Variants in DGCR8 observed in about 807,000 individuals in gnomAD.
DGCR8 encodes the protein microprocessor complex subunit DGCR8.
In DGCR8, 14 loss-of-function variants were observed where a neutral mutation model predicts 78.5. The ratio of observed to expected loss-of-function variants is 0.18; its 90% CI spans 0.12 to 0.28. The LOEUF is 0.28. Among genes scored for constraint, DGCR8 ranks in the 10% least tolerant of loss-of-function variants. The pLI is 1.00. For synonymous variants in DGCR8, 399 were observed against 402.4 expected (o/e 0.99, Z 0.10); for missense variants, 702 against 1,022.5 (o/e 0.69, Z 4.28).
intron 9 of DGCR8, chr22:20,100,690 C>T: frequency 1.0e-6 from 1 of 985,372 alleles, no homozygotes; most frequent in Non-Finnish European, 1.2e-6. Flanking sequence ...TTGCAGAAAC[C>T]ACATTGCAAA....
chr22:20,104,064 C>T (rs1011515488), intron 9 of DGCR8, among the ~76,000 whole-genome samples: 2 of 152,280 alleles, frequency 1.3e-5, no homozygotes, highest in Admixed American at 1.3e-4. Flanking sequence ...TGTCTGCTCT[C>T]ATGAGCTGGA....
chr22:20,080,452 C>T, intron 1 of DGCR8, 69 bp downstream of exon 1: 2 of 981,682 alleles, frequency 2.0e-6, no homozygotes, highest in South Asian at 9.4e-5. Context: ...GAGGGCGCGC[C>T]CTTCCCTCCC....
rs1340871074 is a variant in DGCR8, at chr22:20,086,932, G to A, written c.721-230G>A. 14 of 726,176 alleles carry A rather than the reference G, an allele frequency of 1.9e-5. No homozygotes were observed. Among genetic ancestry groups the A allele is most frequent in the Non-Finnish European group, 3.1e-5 (14 of 456,956 alleles). 45.0% of individuals were successfully genotyped at this position (726,176 alleles called of 1,614,324 possible). ...CCTGATCTAGCGCGTGGGGCAGCAG[G>A]TGCTGCTGAGTTACGCTCCTTGGCA... On this transcript the variant is annotated intron_variant, in intron 2 of 13. Transcript: ENST00000351989. The surrounding 1 kb of genome is among the most constrained non-coding windows in gnomAD (Gnocchi z 6.4).
intron 1 of DGCR8, among the ~76,000 whole-genome samples, chr22:20,081,597 C>T (rs1046896573): frequency 1.5e-4 from 23 of 152,198 alleles, no homozygotes; most frequent in Admixed American, 2.6e-4. Context: ...CTTGCCCAGT[C>T]TTAGACTCTC....
chr22:20,100,788 G>T (rs1018540981), intron 9 of DGCR8: 142 of 985,262 alleles, frequency 1.4e-4, no homozygotes, highest in Admixed American at 4.9e-4. Flanking sequence ...TCCCCTGCCT[G>T]GGGCTTTTTC....
chr22:20,094,677 G>A (rs767608607), intron 8 of DGCR8, 36 bp from the exon 9 acceptor site: 24 of 1,592,132 alleles, frequency 1.5e-5, no homozygotes, highest in Non-Finnish European at 1.2e-5. Flanking sequence ...AGAGGGCAGT[G>A]CCCAAGCCTC....
chr22:20,102,755 T>C (rs551400241), intron 9 of DGCR8, among the ~76,000 whole-genome samples: 1 of 152,332 alleles, frequency 6.6e-6, no homozygotes, highest in Non-Finnish European at 1.5e-5. Context: ...TCCAACTTCG[T>C]TATTCTTTCT....
At chr22:20,106,136 G>A (rs1250167308) in intron 9 of DGCR8, 41 bp from the exon 10 acceptor site, 1 of 1,565,034 alleles carries the variant, frequency 6.4e-7, no homozygotes, top group African/African-American at 1.4e-5. Flanking sequence ...AGAGGCCGGT[G>A]GGCCTGGTGG....
At chr22:20,106,367 A>G (rs992402829) in intron 10 of DGCR8, 90 bp downstream of exon 10, 8 of 1,188,772 alleles carry the variant, frequency 6.7e-6, no homozygotes, top group Non-Finnish European at 9.8e-6. Context: ...GTCCCAAGGC[A>G]GAGGCATGGC....
Position 20,085,735 on chromosome 22 carries a change from C to T in DGCR8, c.-229C>T, listed in dbSNP as rs765459819. ...CGGCATGAAGACAGACTCGCTTAGT[C>T]GCCAGTCACTTAAGCTGAGTGCATT... On this transcript the variant is annotated 5_prime_UTR_variant, in exon 2 of 14. Transcript: ENST00000351989. This position sits in a 1 kb window ranked among gnomAD's most constrained non-coding sequence, Gnocchi z 6.2. The T allele has an allele frequency of 2.9e-6, 4 of 1,359,358 alleles. No individual in the cohort carries two copies. The highest frequency in any genetic ancestry group is 3.8e-6 in the Non-Finnish European group (4 of 1,061,234). The allele number at this position is 1,359,358 out of a possible 1,614,324, so 84.2% of individuals were successfully genotyped here.
chr22:20,089,160 G>A lies in DGCR8; in HGVS notation c.881-509G>A, dbSNP rs1359135105. Among the ~76,000 whole-genome samples the A allele has an allele frequency of 6.6e-6, 1 of 152,230 alleles. No homozygotes were observed. The highest frequency in any genetic ancestry group is 1.5e-5 in the Non-Finnish European group (1 of 68,038). On this transcript the variant is annotated intron_variant, in intron 3 of 13. Coordinates refer to ENST00000351989, the MANE Select transcript of DGCR8 (RefSeq NM_022720.7). This position sits in a 1 kb window ranked among gnomAD's most constrained non-coding sequence, Gnocchi z 4.9. The stretch of plus-strand genomic sequence containing the variant: ...CAACTGCCTATAAAGCAAAGAAGGG[G>A]TTGGGAGTAGTGTATTAAACCAACT...
chr22:20,099,316 C>A (rs1472023529), intron 9 of DGCR8, among the ~76,000 whole-genome samples: 3 of 152,360 alleles, frequency 2.0e-5, no homozygotes, highest in Middle Eastern at 3.4e-3. Context: ...ACTAGTGCCC[C>A]AGCCTCTGGC....
rs748220535 is a variant in DGCR8 at position 20,106,447 on chromosome 22, C to T, written c.1890-145C>T. On this transcript the variant is annotated intron_variant, in intron 10 of 13. Coordinates refer to ENST00000351989, the MANE Select transcript of DGCR8 (RefSeq NM_022720.7). ...GTCAGTCCCACAGGCCTGAATCGGG[C>T]GTGTGGAGAATTCCCTCCTCTGGCT... 5.5e-5 allele frequency: 44 copies of T among 805,644 alleles called. 1 individual carries two copies. In the Admixed American group the frequency reaches 5.7e-4, roughly 11 times the overall value. The allele number at this position is 805,644 out of a possible 1,614,324, so 49.9% of individuals were successfully genotyped here. A position where few individuals can be genotyped will look rare whatever the true frequency, so the allele number is the denominator to read the frequency against.
Position 20,085,991 on chromosome 22 carries a change from C to T in DGCR8, c.28C>T (p.Leu10Phe). 1 of 1,604,488 alleles carries T rather than the reference C, an allele frequency of 6.2e-7. No homozygotes were observed. Among genetic ancestry groups the T allele is most frequent in the Non-Finnish European group, 8.5e-7 (1 of 1,174,548 alleles). The change falls in exon 2 of 14, where the codon CTC becomes TTC. Residue 10 changes from leucine (L) to phenylalanine (F), a missense_variant. Around this residue, in one of 4 missense-constraint regions of DGCR8, gnomAD observed 356 missense variants for 448.9 expected, o/e 0.79. Coordinates refer to ENST00000351989, the MANE Select transcript of DGCR8 (RefSeq NM_022720.7). This position sits in a 1 kb window ranked among gnomAD's most constrained non-coding sequence, Gnocchi z 6.2. ...GGAGACAGATGAGAGCCCCTCTCCG[C>T]TCCCGTGTGGGCCCGCAGGAGAAGC... METDESPSPLPCGPAGEAVM... is the reference protein window; with the variant it reads METDESPSPFPCGPAGEAVM...
Position 20,085,497 on chromosome 22 carries a change from C to T in DGCR8, c.-277-190C>T, listed in dbSNP as rs141252828. ...CATTAACAAAATATTTAACTTTGGACTTAAGTTATAATTCAGGTTCTGAAG... is the reference window on the plus strand; with the variant it reads ...CATTAACAAAATATTTAACTTTGGATTTAAGTTATAATTCAGGTTCTGAAG... On this transcript the variant is annotated intron_variant, in intron 1 of 13. Coordinates refer to ENST00000351989, the MANE Select transcript of DGCR8 (RefSeq NM_022720.7). The surrounding 1 kb of genome is among the most constrained non-coding windows in gnomAD (Gnocchi z 6.2). Among the ~76,000 whole-genome samples the T allele has an allele frequency of 1.1e-3, 175 of 152,250 alleles. 1 individual carries two copies. In the South Asian group the frequency reaches 0.018, roughly 16 times the overall value.
rs150455687 is a variant in DGCR8 at position 20,104,509 on chromosome 22, CTG to C, written c.1789-1658_1789-1657del. On this transcript the variant is annotated intron_variant, in intron 9 of 13. Transcript: ENST00000351989. ...AGAAACTTCTGAGCGTGCTCTCTAG[CTG>C]TGTGTGTGTCAGCCACTGCCTCAGC... Among the ~76,000 whole-genome samples, 855 of 152,272 alleles carry C rather than the reference CTG, an allele frequency of 5.6e-3. 7 individuals carry two copies. Among genetic ancestry groups the C allele is most frequent in the African/African-American group, 0.02 (811 of 41,556 alleles).
intron 11 of DGCR8, chr22:20,106,949 CCCT>C (rs1468551979): frequency 1.0e-5 from 6 of 575,618 alleles, no homozygotes; most frequent in Non-Finnish European, 1.6e-5. Flanking sequence ...GGAGGAAAGG[CCCT>C]CCTCCTCGAA....
rs547836159 is a variant in DGCR8 at position 20,085,213 on chromosome 22, G to A, written c.-277-474G>A. ...CCTGGCCATGCCTCTGAGGCCCCTA[G>A]TGCCGCAGAGTTGAGCTGAGGGTCT... On this transcript the variant is annotated intron_variant, in intron 1 of 13. Transcript: ENST00000351989. The surrounding 1 kb of genome is among the most constrained non-coding windows in gnomAD (Gnocchi z 6.2). Among the ~76,000 whole-genome samples, 9 of 152,308 alleles carry A rather than the reference G, an allele frequency of 5.9e-5. No homozygotes were observed. Among genetic ancestry groups the A allele is most frequent in the Admixed American group, 2.6e-4 (4 of 15,312 alleles).
intron 5 of DGCR8, 122 bp downstream of exon 5, chr22:20,090,380 C>CTTGTGAG: frequency 8.5e-7 from 1 of 1,179,840 alleles, no homozygotes; most frequent in Admixed American, 2.8e-5. Context: ...CTGTGCACCT[C>CTTGTGAG]CACTGTTGGT....
Sources: allele counts gnomAD v4.1 joint callset (sites outside exome capture counted in the v4.1 genomes callset), GRCh38; gene constraint gnomAD v4.1.1; regional missense constraint gnomAD v4.1.1; non-coding constraint Gnocchi (gnomAD v3.1); transcripts MANE v1.5; gene names NCBI Gene and HGNC (gene_info 2026-07-23, HGNC 2026-07-21).